The following OPCML variants were observed in gnomAD, a reference collection of about 807,000 sequenced individuals.
The protein encoded by OPCML is opioid binding protein/cell adhesion molecule like, also known as opioid-binding protein/cell adhesion molecule.
Under a neutral mutation model 37.8 loss-of-function variants are expected in OPCML, and 13 were observed. The observed-to-expected ratio is 0.34, with a 90% CI of 0.22 to 0.55. The LOEUF (loss-of-function observed/expected upper bound fraction) is 0.55, where lower values mean the gene tolerates loss of function less well. Among genes scored for constraint, OPCML ranks in the 20% least tolerant of loss-of-function variants. OPCML has a pLI of 0.91. For missense variants in OPCML, 341 were observed against 435.6 expected (o/e 0.78, Z 1.93); for synonymous variants, 176 against 168.8 (o/e 1.04, Z -0.33).
At chr11:132,672,131 C>T (rs529028112) in intron 2 of OPCML, among the ~76,000 whole-genome samples, 1 of 152,208 alleles carries the variant, frequency 6.6e-6, no homozygotes, top group South Asian at 2.1e-4. Flanking sequence ...CTCTCATTCT[C>T]CTTTTCCTGC....
At chr11:133,485,968 C>A (rs780410824) in intron 1 of OPCML, among the ~76,000 whole-genome samples, 11 of 151,962 alleles carry the variant, frequency 7.2e-5, no homozygotes, top group Non-Finnish European at 1.5e-4. Context: ...GGCTAAATTG[C>A]TGTATAGTAT....
At chr11:132,888,862 A>C (rs1042755059) in intron 2 of OPCML, among the ~76,000 whole-genome samples, 2 of 149,560 alleles carry the variant, frequency 1.3e-5, no homozygotes, top group African/African-American at 5.0e-5. Context: ...TTACAACAAA[A>C]AAAAAAAAGA....
chr11:132,540,950 T>C (rs575021928), intron 3 of OPCML, among the ~76,000 whole-genome samples: 64 of 152,150 alleles, frequency 4.2e-4, no homozygotes, highest in Non-Finnish European at 7.6e-4. Flanking sequence ...CTCCTTTTGT[T>C]CCTTTCCCCC....
In OPCML at chr11:133,112,285, CAAAAAAAAAAAAA is replaced by C. The variant is rs370146450; in HGVS notation, c.62-169288_62-169276del. On this transcript the variant is annotated intron_variant, in intron 1 of 7. Transcript: ENST00000524381. ...AAGTTCAAGTTCATTGACTCTTGGC[CAAAAAAAAAAAAA>C]AAAAAAAAAAAAGGGGAAAGAAACA... 1.8e-4 allele frequency among the ~76,000 whole-genome samples: 9 copies of C among 49,126 alleles called. 1 individual carries two copies. Among genetic ancestry groups the C allele is most frequent in the Non-Finnish European group, 3.6e-4 (9 of 24,974 alleles). The allele number at this position is 49,126 out of a possible 152,430, so 32.2% of individuals were successfully genotyped here.
At chr11:132,818,341 A>G (rs1939748692) in intron 2 of OPCML, among the ~76,000 whole-genome samples, 1 of 152,066 alleles carries the variant, frequency 6.6e-6, no homozygotes, top group Non-Finnish European at 1.5e-5. Flanking sequence ...CATTTAAATC[A>G]GTGGGCTTTG....
chr11:133,466,786 AAAG>A (rs1286585716), intron 1 of OPCML, among the ~76,000 whole-genome samples: 2 of 152,330 alleles, frequency 1.3e-5, no homozygotes, highest in Admixed American at 6.5e-5. Context: ...GAAGAGGAAG[AAAG>A]AAGAAGGCAG....
At chr11:132,797,357 G>A (rs575712846) in intron 2 of OPCML, among the ~76,000 whole-genome samples, 23 of 152,262 alleles carry the variant, frequency 1.5e-4, no homozygotes, top group African/African-American at 5.5e-4. Flanking sequence ...TTTTTGTAAA[G>A]ACAATTCCTT....
intron 2 of OPCML, among the ~76,000 whole-genome samples, chr11:132,831,192 T>A (rs1016457196): frequency 1.3e-5 from 2 of 152,132 alleles, no homozygotes; most frequent in East Asian, 3.9e-4. Context: ...AAGATCCACA[T>A]GAAATACAAG....
At position 133,377,287 on chromosome 11, in the gene OPCML, G is replaced by C. The variant is rs567929405; in HGVS notation, c.61+154977C>G. On this transcript the variant is annotated intron_variant, in intron 1 of 7. Coordinates refer to ENST00000524381, the MANE Select transcript of OPCML (RefSeq NM_001012393.5). Reference sequence around the variant, plus strand: ...GTGTGTGGATTCTGAGCAGTCCAAGGGTTCACCTGGGCTGATGGTTGTCTC... The same window carrying C: ...GTGTGTGGATTCTGAGCAGTCCAAGCGTTCACCTGGGCTGATGGTTGTCTC... 1.9e-4 allele frequency among the ~76,000 whole-genome samples: 29 copies of C among 152,222 alleles called. 1 individual carries two copies. Among genetic ancestry groups the C allele is most frequent in the Non-Finnish European group, 3.7e-4 (25 of 68,020 alleles).
intron 1 of OPCML, among the ~76,000 whole-genome samples, chr11:133,428,797 A>G (rs1479909715): frequency 6.6e-6 from 1 of 152,218 alleles, no homozygotes; most frequent in Non-Finnish European, 1.5e-5. Flanking sequence ...TTCCAATAAA[A>G]AAATCAGCTT....
chr11:132,800,233 G>C (rs925726160), intron 2 of OPCML, among the ~76,000 whole-genome samples: 2 of 152,092 alleles, frequency 1.3e-5, no homozygotes, highest in African/African-American at 4.8e-5. Flanking sequence ...GCAATTGCTA[G>C]TATGCAATTG....
chr11:132,768,352 A>G (rs1946526771), intron 2 of OPCML, among the ~76,000 whole-genome samples: 2 of 152,146 alleles, frequency 1.3e-5, no homozygotes, highest in African/African-American at 4.8e-5. Flanking sequence ...GACACTATCA[A>G]CTGATATGCA....
chr11:132,647,803 C>T (rs1050997001), intron 3 of OPCML, among the ~76,000 whole-genome samples: 5 of 152,154 alleles, frequency 3.3e-5, no homozygotes, highest in Admixed American at 1.3e-4. Context: ...CAACCGTACT[C>T]AGCAGATGAT....
chr11:132,857,989 C>T (rs902780657), intron 2 of OPCML, among the ~76,000 whole-genome samples: 2 of 151,988 alleles, frequency 1.3e-5, no homozygotes, highest in Admixed American at 1.3e-4. Context: ...GACAGTGTGG[C>T]GTCCTTAGGA....
At position 132,430,256 on chromosome 11, in the gene OPCML, C is replaced by T. The variant is rs1414691277; in HGVS notation, c.916+5830G>A. Among the ~76,000 whole-genome samples, 4 of 152,080 alleles carry T rather than the reference C, an allele frequency of 2.6e-5. 1 individual carries two copies. Among genetic ancestry groups the T allele is most frequent in the Middle Eastern group, 6.8e-3 (2 of 294 alleles). On this transcript the variant is annotated intron_variant, in intron 7 of 7. Coordinates refer to ENST00000524381, the MANE Select transcript of OPCML (RefSeq NM_001012393.5). ...GGGGATAGGTGTAGTTGTGAAGACG[C>T]CCTAATACAGACATGGAACGAGAAG...
intron 4 of OPCML, among the ~76,000 whole-genome samples, chr11:132,520,400 T>C (rs1278392534): frequency 6.6e-6 from 1 of 152,184 alleles, no homozygotes; most frequent in Admixed American, 6.6e-5. Flanking sequence ...AGACAAATTA[T>C]TCTTTCTCTG....
intron 1 of OPCML, among the ~76,000 whole-genome samples, chr11:133,476,242 A>G (rs1947236005): frequency 6.6e-6 from 1 of 152,214 alleles, no homozygotes; most frequent in African/African-American, 2.4e-5. Context: ...GTAGACAAAC[A>G]GTACAACATC....
chr11:132,443,225 G>A lies in OPCML; in HGVS notation c.506-5866C>T, dbSNP rs141095968. ...TGTGCCACCAAGGAAAAGAACAACA[G>A]GAGATGAGAGCAGTGAGGAGGATCT... On this transcript the variant is annotated intron_variant, in intron 4 of 7. Coordinates refer to ENST00000524381, the MANE Select transcript of OPCML (RefSeq NM_001012393.5). Among the ~76,000 whole-genome samples the A allele has an allele frequency of 2.9e-3, 449 of 152,302 alleles. 2 individuals are homozygous for A. Among genetic ancestry groups the A allele is most frequent in the African/African-American group, 0.01 (420 of 41,558 alleles).
chr11:133,211,326 A>C lies in OPCML; in HGVS notation c.62-268316T>G, dbSNP rs1180732835. On this transcript the variant is annotated intron_variant, in intron 1 of 7. Transcript: ENST00000524381. This position sits in a 1 kb window ranked among gnomAD's most constrained non-coding sequence, Gnocchi z 4.1. Reference sequence around the variant, plus strand: ...ACCTAAAAATCCACTCTTTAAGCATAATAGTCTATTGATTACCTCAGTTAT... The same window carrying C: ...ACCTAAAAATCCACTCTTTAAGCATCATAGTCTATTGATTACCTCAGTTAT... 6.6e-6 allele frequency among the ~76,000 whole-genome samples: 1 copy of C among 152,208 alleles called. No homozygotes were observed. The highest frequency in any genetic ancestry group is 1.5e-5 in the Non-Finnish European group (1 of 68,036).
Sources: allele counts gnomAD v4.1 joint callset (sites outside exome capture counted in the v4.1 genomes callset), GRCh38; gene constraint gnomAD v4.1.1; non-coding constraint Gnocchi (gnomAD v3.1); transcripts MANE v1.5; gene names NCBI Gene and HGNC (gene_info 2026-07-23, HGNC 2026-07-21).